The following ADAMTS6 variants were observed in gnomAD, a reference collection of about 807,000 sequenced individuals.
The protein encoded by ADAMTS6 is A disintegrin and metalloproteinase with thrombospondin motifs 6.
ADAMTS6 carries 23 observed loss-of-function variants against 144.3 expected under a neutral mutation model. The ratio of observed to expected loss-of-function variants is 0.16; its 90% CI spans 0.11 to 0.23. ADAMTS6 has a LOEUF of 0.23. ADAMTS6 is among the 10% of genes least tolerant of loss of function. ADAMTS6 has a pLI of 1.00. For missense variants in ADAMTS6, 999 were observed against 1,379.6 expected, an observed-to-expected ratio of 0.72 and a Z score of 4.37; for synonymous variants, 444 against 457.5, an observed-to-expected ratio of 0.97 and a Z score of 0.38.
rs1161265416 is a variant in ADAMTS6, at chr5:65,260,608, T to G, written c.1822A>C (p.Asn608His). ...LGERKRYRSCNTDPCPLGSRD... is the reference protein window; with the variant it reads ...LGERKRYRSCHTDPCPLGSRD... Reference sequence around the variant, plus strand: ...AGTTTGGTTTTACTTACATCTGTGTTACAGGAGCGATACCGTTTCCTTTCC... The same window carrying G: ...AGTTTGGTTTTACTTACATCTGTGTGACAGGAGCGATACCGTTTCCTTTCC... The change falls in exon 14 of 25, where the codon AAC (asparagine) becomes CAC (histidine). Residue 608 changes from asparagine to histidine, a missense_variant. Asn to His is a moderately conservative substitution (Grantham distance 68). Around this residue, in one of 3 missense-constraint regions of ADAMTS6, gnomAD observed 619 missense variants for 837.0 expected, o/e 0.74. Coordinates refer to ENST00000381055, the MANE Select transcript of ADAMTS6 (RefSeq NM_197941.4). The G allele has an allele frequency of 6.2e-7, 1 of 1,613,554 alleles. No homozygotes were observed. Among genetic ancestry groups the G allele is most frequent in the Non-Finnish European group, 8.5e-7 (1 of 1,179,700 alleles).
intron 11 of ADAMTS6, among the ~76,000 whole-genome samples, chr5:65,285,072 C>T (rs1763260788): frequency 1.3e-5 from 2 of 152,162 alleles, no homozygotes; most frequent in South Asian, 2.1e-4. Context: ...AAAGAGGACA[C>T]CACAGATCAC....
chr5:65,454,566 T>C (rs1028538492), intron 4 of ADAMTS6, among the ~76,000 whole-genome samples: 3 of 152,204 alleles, frequency 2.0e-5, no homozygotes, highest in Non-Finnish European at 2.9e-5. Flanking sequence ...CTTTTGAATA[T>C]GGGTAGGACC....
At chr5:65,267,635 C>T (rs1761725239) in intron 12 of ADAMTS6, among the ~76,000 whole-genome samples, 1 of 151,956 alleles carries the variant, frequency 6.6e-6, no homozygotes, top group Non-Finnish European at 1.5e-5. Flanking sequence ...CATTATAAAT[C>T]AAATAATTTA....
intron 9 of ADAMTS6, among the ~76,000 whole-genome samples, chr5:65,324,557 C>T (rs111917760): frequency 0.011 from 1,692 of 150,252 alleles, 28 homozygotes; most frequent in African/African-American, 0.039. Flanking sequence ...TTATATATTA[C>T]GGATAAATAT....
intron 7 of ADAMTS6, among the ~76,000 whole-genome samples, chr5:65,427,172 T>C (rs1259228487): frequency 6.6e-6 from 1 of 152,154 alleles, no homozygotes; most frequent in African/African-American, 2.4e-5. Flanking sequence ...ATTAGCAACT[T>C]GTTACGGTTA....
chr5:65,292,655 G>A (rs948674605), intron 10 of ADAMTS6, among the ~76,000 whole-genome samples: 3 of 151,980 alleles, frequency 2.0e-5, no homozygotes, highest in Non-Finnish European at 4.4e-5. Flanking sequence ...CTATTCCTAC[G>A]GTGATATAGA....
intron 14 of ADAMTS6, among the ~76,000 whole-genome samples, chr5:65,260,045 C>T (rs918375600): frequency 2.2e-4 from 34 of 152,052 alleles, no homozygotes; most frequent in African/African-American, 8.2e-4. Flanking sequence ...GCAATATCTT[C>T]AGAGGAAGAG....
At chr5:65,391,103 TAG>T (rs1752877782) in intron 7 of ADAMTS6, among the ~76,000 whole-genome samples, 1 of 152,056 alleles carries the variant, frequency 6.6e-6, no homozygotes, top group Non-Finnish European at 1.5e-5. Context: ...GCATTTTTTG[TAG>T]AGTCAGGGTC....
Position 65,473,942 on chromosome 5 carries a change from C to A in ADAMTS6, c.-269G>T. The A allele has an allele frequency of 2.3e-6, 1 of 431,542 alleles. No homozygotes were observed. Among genetic ancestry groups the A allele is most frequent in the Admixed American group, 3.9e-5 (1 of 25,712 alleles). The allele number at this position is 431,542 out of a possible 1,614,324, so 26.7% of individuals were successfully genotyped here. ...GGCTGATTAGTTACTAAAGTATGGC[C>A]ATTTTTTAACCTAGAAAAAAAAAAA... On this transcript the variant is annotated 5_prime_UTR_variant, in exon 2 of 25. An upstream start codon of the reference 5' UTR is lost. Transcript: ENST00000381055.
At chr5:65,462,463 G>A (rs985053749) in intron 3 of ADAMTS6, among the ~76,000 whole-genome samples, 4 of 152,142 alleles carry the variant, frequency 2.6e-5, no homozygotes, top group Non-Finnish European at 5.9e-5. Context: ...TTATATGTTA[G>A]GTACTTTGTA....
chr5:65,441,595 T>C (rs903884746), intron 7 of ADAMTS6, among the ~76,000 whole-genome samples: 4 of 151,724 alleles, frequency 2.6e-5, no homozygotes, highest in Admixed American at 6.6e-5. Flanking sequence ...ATATAGAAAA[T>C]TCGATCCAAC....
At chr5:65,329,244 A>C in intron 9 of ADAMTS6, 134 bp downstream of exon 9, 1 of 726,354 alleles carries the variant, frequency 1.4e-6, no homozygotes, top group Non-Finnish European at 2.3e-6. Flanking sequence ...AATACCCACA[A>C]TAATAACATC....
At chr5:65,440,420 T>C (rs1184876145) in intron 7 of ADAMTS6, among the ~76,000 whole-genome samples, 2 of 152,084 alleles carry the variant, frequency 1.3e-5, no homozygotes, top group Non-Finnish European at 2.9e-5. Context: ...CCTTGAGAAA[T>C]TCAATGCCAT....
intron 7 of ADAMTS6, among the ~76,000 whole-genome samples, chr5:65,430,481 C>T (rs1756909234): frequency 1.3e-5 from 2 of 152,136 alleles, no homozygotes; most frequent in South Asian, 4.1e-4. Flanking sequence ...TAAAACCAAG[C>T]AGGACACTAC....
At chr5:65,440,893 T>C (rs2150231817) in intron 7 of ADAMTS6, among the ~76,000 whole-genome samples, 1 of 152,238 alleles carries the variant, frequency 6.6e-6, no homozygotes, top group Middle Eastern at 3.4e-3. Context: ...GGAACTTAAC[T>C]GCACCCCAAG....
intron 11 of ADAMTS6, among the ~76,000 whole-genome samples, chr5:65,287,446 A>C (rs938309456): frequency 2.6e-5 from 4 of 152,092 alleles, no homozygotes; most frequent in Admixed American, 2.6e-4. Flanking sequence ...GACTTTATTT[A>C]TTTATTTATT....
At chr5:65,432,812 A>T (rs1757097162) in intron 7 of ADAMTS6, among the ~76,000 whole-genome samples, 1 of 152,098 alleles carries the variant, frequency 6.6e-6, no homozygotes, top group Non-Finnish European at 1.5e-5. Context: ...TGTTCACTAC[A>T]TGTCACTTCT....
intron 7 of ADAMTS6, among the ~76,000 whole-genome samples, chr5:65,372,382 C>T (rs1751045161): frequency 6.6e-6 from 1 of 151,804 alleles, no homozygotes; most frequent in Admixed American, 6.6e-5. Flanking sequence ...CAGAGGCACA[C>T]ATAGGCTCAA....
At chr5:65,375,780 T>C (rs1350557110) in intron 7 of ADAMTS6, among the ~76,000 whole-genome samples, 3 of 152,170 alleles carry the variant, frequency 2.0e-5, no homozygotes, top group African/African-American at 7.2e-5. Context: ...CAAAGGATTA[T>C]AAATCATGCT....
Sources: gnomAD v4.1 joint callset for allele counts (sites outside exome capture counted in the v4.1 genomes callset) on GRCh38, gnomAD v4.1.1 for gene constraint, gnomAD v4.1.1 regional missense constraint, MANE v1.5 for transcripts, NCBI Gene and HGNC (gene_info 2026-07-23, HGNC 2026-07-21) for gene names.